HIRIP3: variants seen among roughly 807,000 people sequenced by gnomAD.
HIRIP3 encodes the protein HIRA-interacting protein 3.
A neutral mutation model predicts 50.3 loss-of-function variants in HIRIP3; 40 were observed. The ratio of observed to expected loss-of-function variants is 0.79; its 90% CI spans 0.62 to 1.03. The LOEUF (loss-of-function observed/expected upper bound fraction) is 1.03, where lower values mean the gene tolerates loss of function less well. Among genes scored for constraint, HIRIP3 ranks in the 50% least tolerant of loss-of-function variants. The probability of loss-of-function intolerance (pLI) is 0.00; values close to 1 mark genes in which losing one functional copy is unlikely to be tolerated. For missense variants in HIRIP3, 765 were observed against 705.4 expected (o/e 1.08, Z -0.96); for synonymous variants, 318 against 261.6 (o/e 1.22, Z -2.08).
upstream of HIRIP3, chr16:29,996,005 C>G (rs1486816722): frequency 1.7e-6 from 1 of 572,100 alleles, no homozygotes; most frequent in Non-Finnish European, 3.1e-6. Flanking sequence ...GGGATAAATC[C>G]TTTTGTGGCT....
chr16:29,995,869 C>T (rs2070088807), upstream of HIRIP3: 6 of 589,860 alleles, frequency 1.0e-5, no homozygotes, highest in South Asian at 2.1e-5. Context: ...GCGCCGGCAC[C>T]CTTTGGGTGA....
intron 5 of HIRIP3, 25 bp from the exon 6 acceptor site, chr16:29,993,582 C>T: frequency 6.2e-7 from 1 of 1,611,878 alleles, no homozygotes. Flanking sequence ...GCTGGTGATT[C>T]TCTCCTCCCC....
chr16:29,996,096 C>T (rs2070096182), upstream of HIRIP3: 3 of 609,866 alleles, frequency 4.9e-6, no homozygotes, highest in East Asian at 2.8e-5. Context: ...GTCGCTGCTA[C>T]GCCATCCCCA....
At chr16:29,995,500 AC>A (rs1390191256) in intron 1 of HIRIP3, 37 bp from the exon 2 acceptor site, 1 of 1,613,426 alleles carries the variant, frequency 6.2e-7, no homozygotes, top group Non-Finnish European at 8.5e-7. Flanking sequence ...GTCCCGACCC[AC>A]CCGCGCCCTT....
At position 29,992,473 on chromosome 16, in the gene HIRIP3, A is replaced by G. The variant is rs1057172340; in HGVS notation, c.*734T>C. Reference sequence around the variant, plus strand: ...ATTCGTTTTCTTTGCTTTGACTTCAAAGATTCTTAGGTTTGCCTCCCACAC... The same window carrying G: ...ATTCGTTTTCTTTGCTTTGACTTCAGAGATTCTTAGGTTTGCCTCCCACAC... On this transcript the variant is annotated 3_prime_UTR_variant, in exon 7 of 7. Transcript: ENST00000279392. 8.6e-5 allele frequency: 13 copies of G among 151,982 alleles called. No individual in the cohort carries two copies. Among genetic ancestry groups the G allele is most frequent in the African/African-American group, 2.9e-4 (12 of 41,342 alleles). 9.4% of individuals were successfully genotyped at this position (151,982 alleles called of 1,614,324 possible).
In HIRIP3 at chr16:29,993,272, G is replaced by A. The variant is rs143520600; in HGVS notation, c.1606C>T (p.Arg536Cys). 91 of 1,554,258 alleles carry A rather than the reference G, an allele frequency of 5.9e-5. No individual in the cohort carries two copies. The highest frequency in any genetic ancestry group is 1.8e-4 in the African/African-American group (13 of 72,864). ...RTLDSDEERP[R>C]PAPPDWSHMR... The stretch of plus-strand genomic sequence containing the variant: ...TGTGACCAGTCTGGGGGTGCGGGAC[G>A]GGGCCGCTCTTCATCTGAGTCCAGG... Residue 536 changes from arginine (R) to cysteine (C), a missense_variant, in exon 7 of 7, where the codon CGT (arginine) becomes TGT (cysteine). By Grantham distance (180) the Arg-to-Cys change is radical. Transcript: ENST00000279392.
At chr16:29,993,393 G>T (rs1317155747) in intron 6 of HIRIP3, 23 bp from the exon 7 acceptor site, 1 of 1,571,834 alleles carries the variant, frequency 6.4e-7, no homozygotes, top group Non-Finnish European at 8.7e-7. Context: ...GGAAACGAGA[G>T]ATCAGATGTC....
rs560188307 is a variant in HIRIP3 at position 29,993,054 on chromosome 16, G to T, written c.*153C>A. On this transcript the variant is annotated 3_prime_UTR_variant, in exon 7 of 7. Transcript: ENST00000279392. Reference sequence around the variant, plus strand: ...AAAAAATAAACACCTTAAAGGGACAGCGTGAAGCTGAGAAGTAGCATCCCA... The same window carrying T: ...AAAAAATAAACACCTTAAAGGGACATCGTGAAGCTGAGAAGTAGCATCCCA... 60 of 589,440 alleles carry T rather than the reference G, an allele frequency of 1.0e-4. 1 individual carries two copies. The highest frequency in any genetic ancestry group is 8.0e-4 in the African/African-American group (42 of 52,588). 36.5% of individuals were successfully genotyped at this position (589,440 alleles called of 1,614,324 possible). A position where few individuals can be genotyped will look rare whatever the true frequency, so the allele number is the denominator to read the frequency against.
chr16:29,994,958 G>A, intron 3 of HIRIP3, 115 bp from the exon 4 acceptor site: 1 of 1,487,286 alleles, frequency 6.7e-7, no homozygotes, highest in Non-Finnish European at 9.1e-7. Context: ...GCAGGAAACA[G>A]CTATCTGTAC....
rs1390532717 is a variant in HIRIP3 at position 29,992,353 on chromosome 16, T to C, written c.*854A>G. 6.6e-6 allele frequency: 1 copy of C among 152,222 alleles called. No homozygotes were observed. Among genetic ancestry groups the C allele is most frequent in the Non-Finnish European group, 1.5e-5 (1 of 68,056 alleles). 9.4% of individuals were successfully genotyped at this position (152,222 alleles called of 1,614,324 possible). On this transcript the variant is annotated 3_prime_UTR_variant, in exon 7 of 7. Transcript: ENST00000279392. ...GCTTGTGTTTTATAAAGAGAATTTATTGGGCTGTGTATCTAAACATTTCAG... is the reference window on the plus strand; with the variant it reads ...GCTTGTGTTTTATAAAGAGAATTTACTGGGCTGTGTATCTAAACATTTCAG...
rs1217680777 is a variant in HIRIP3 at position 29,994,136 on chromosome 16, C to T, written c.1009G>A (p.Glu337Lys). Residue 337 changes from glutamate to lysine, a missense_variant, in exon 4 of 7, where the codon GAA becomes AAA. Physicochemically the swap from Glu to Lys is moderately conservative, Grantham distance 56 (BLOSUM62 1). Transcript: ENST00000279392. ...GTGGGTTCCCCCTTCCCACTGTCTT[C>T]CTCGTCCTCGCTGCTTCCACTCAAC... ...KRLSGSSEDE[E>K]DSGKGEPTAK... 1 of 1,614,054 alleles carries T rather than the reference C, an allele frequency of 6.2e-7. No individual in the cohort carries two copies. Among genetic ancestry groups the T allele is most frequent in the Non-Finnish European group, 8.5e-7 (1 of 1,180,040 alleles).
chr16:29,993,311 G>C lies in HIRIP3; in HGVS notation c.1567C>G (p.Leu523Val). Residue 523 changes from leucine to valine, a missense_variant, in exon 7 of 7, where the codon CTG becomes GTG. Leu to Val is a conservative substitution (Grantham distance 32, BLOSUM62 1). Transcript: ENST00000279392. ...PLGEAAPPGELYRRTLDSDEE... is the reference protein window; with the variant it reads ...PLGEAAPPGEVYRRTLDSDEE... ...TCTGAGTCCAGGGTCCGTCGGTACA[G>C]CTCCCCTGGGGGTGCTGCTTCTCCT... 1 of 1,541,746 alleles carries C rather than the reference G, an allele frequency of 6.5e-7. No homozygotes were observed. Among genetic ancestry groups the C allele is most frequent in the Non-Finnish European group, 8.8e-7 (1 of 1,141,900 alleles).
In HIRIP3 at chr16:29,995,083, A is replaced by G; in HGVS notation, c.301+20T>C. ...AACCAACGATGCAGAAGGCCCCCACAGCAGGGAGGAAGCACTAACCCGACT... is the reference window on the plus strand; with the variant it reads ...AACCAACGATGCAGAAGGCCCCCACGGCAGGGAGGAAGCACTAACCCGACT... On this transcript the variant is annotated intron_variant, in intron 3 of 6. Transcript: ENST00000279392. 3.1e-6 allele frequency: 5 copies of G among 1,608,380 alleles called. No individual in the cohort carries two copies. The highest frequency in any genetic ancestry group is 4.3e-6 in the Non-Finnish European group (5 of 1,174,706).
Position 29,992,411 on chromosome 16 carries a change from C to T in HIRIP3, c.*796G>A, listed in dbSNP as rs986738611. 3.3e-5 allele frequency: 5 copies of T among 151,870 alleles called. No individual in the cohort carries two copies. Among genetic ancestry groups the T allele is most frequent in the African/African-American group, 1.2e-4 (5 of 41,276 alleles). 9.4% of individuals were successfully genotyped at this position (151,870 alleles called of 1,614,324 possible). ...AATGACTTTAGGTGTGACCAGATCT[C>T]GGATCTCAAAGGTGGTCTTCAACCC... On this transcript the variant is annotated 3_prime_UTR_variant, in exon 7 of 7. Coordinates refer to ENST00000279392, the MANE Select transcript of HIRIP3 (RefSeq NM_003609.5).
chr16:29,994,158 C>G lies in HIRIP3; in HGVS notation c.987G>C (p.Leu329Phe). 6.2e-7 allele frequency: 1 copy of G among 1,614,184 alleles called. No homozygotes were observed. ...DRTQLKGGKR[L>F]SGSSEDEEDS... ...CTTCCTCGTCCTCGCTGCTTCCACT[C>G]AACCTCTTCCCACCCTTAAGCTGGG... The change falls in exon 4 of 7, where the codon TTG becomes TTC. Residue 329 changes from leucine to phenylalanine, a missense_variant. Coordinates refer to ENST00000279392, the MANE Select transcript of HIRIP3 (RefSeq NM_003609.5).
In HIRIP3 at chr16:29,993,772, C is replaced by T. The variant is rs926094276; in HGVS notation, c.1276G>A (p.Val426Met). The T allele has an allele frequency of 6.2e-7, 1 of 1,610,952 alleles. No homozygotes were observed. Among genetic ancestry groups the T allele is most frequent in the Non-Finnish European group, 8.5e-7 (1 of 1,179,998 alleles). ...CGAATGTAGCGCTTCAGCCTCATCA[C>T]AGCCGGGTGGTCCTCTCCACGGCGA... ...SGRRGEDHPA[V>M]MRLKRYIRAC... is the part of the protein sequence containing the mutation. The change falls in exon 5 of 7, where the codon GTG (valine) becomes ATG (methionine). Residue 426 changes from valine (V) to methionine (M), a missense_variant. Val to Met is a conservative substitution (Grantham distance 21). Transcript: ENST00000279392.
rs367564028 is a variant in HIRIP3 at position 29,994,604 on chromosome 16, C to T, written c.541G>A (p.Ala181Thr). The T allele has an allele frequency of 1.3e-5, 21 of 1,614,042 alleles. No individual in the cohort carries two copies. Among genetic ancestry groups the T allele is most frequent in the Non-Finnish European group, 1.7e-5 (20 of 1,180,024 alleles). Residue 181 changes from alanine to threonine, a missense_variant, in exon 4 of 7, where the codon GCA becomes ACA. Physicochemically the swap from Ala to Thr is moderately conservative, Grantham distance 58 (BLOSUM62 0). Transcript: ENST00000279392. ...TRKKPVVKKQAPGKASVSRKQ... is the reference protein window; with the variant it reads ...TRKKPVVKKQTPGKASVSRKQ... ...CTACTGACTGAGGCCTTGCCTGGTG[C>T]CTGCTTCTTTACCACAGGTTTCTTC...
rs753526967 is a variant in HIRIP3 at position 29,993,646 on chromosome 16, T to A, written c.1402A>T (p.Met468Leu). 4 of 1,612,502 alleles carry A rather than the reference T, an allele frequency of 2.5e-6. No individual in the cohort carries two copies. In the South Asian group the frequency reaches 4.4e-5, roughly 18 times the overall value. Residue 468 changes from methionine (M) to leucine (L), a missense_variant, in exon 5 of 7, where the codon ATG (methionine) becomes TTG (leucine). Physicochemically the swap from Met to Leu is conservative, Grantham distance 15. Transcript: ENST00000279392. ...ILRAELEALG[M>L]KGTPSLGKCR... ...AGGGCACGCCGGGCCTCACCCTTCA[T>A]GCCTAGCGCTTCCAGTTCTGCCCGG...
rs1567258624 is a variant in HIRIP3 at position 29,993,681 on chromosome 16, A to G, written c.1367T>C (p.Leu456Pro). 5 of 1,610,922 alleles carry G rather than the reference A, an allele frequency of 3.1e-6. No individual in the cohort carries two copies. The highest frequency in any genetic ancestry group is 2.2e-5 in the South Asian group (2 of 91,090). ...TTCCAGTTCTGCCCGGAGGATACTC[A>G]GGCGCTCCTTGTGTGAGCAACAGGA... ...LGSCCSHKER[L>P]SILRAELEAL... is the part of the protein sequence containing the mutation. The change falls in exon 5 of 7, where the codon CTG (leucine) becomes CCG (proline). Residue 456 changes from leucine to proline, a missense_variant. Coordinates refer to ENST00000279392, the MANE Select transcript of HIRIP3 (RefSeq NM_003609.5).
Sources: gnomAD v4.1 joint callset for allele counts on GRCh38, gnomAD v4.1.1 for gene constraint, MANE v1.5 for transcripts, NCBI Gene and HGNC (gene_info 2026-07-23, HGNC 2026-07-21) for gene names.